RYR2: variants seen among roughly 807,000 people sequenced by gnomAD.
RYR2 encodes cardiac muscle ryanodine receptor-calcium release channel.
A neutral mutation model predicts 601.1 loss-of-function variants in RYR2; 227 were observed. That is an observed-to-expected ratio of 0.38 (90% CI 0.34 to 0.42). The LOEUF is 0.42. RYR2 is among the 10% of genes least tolerant of loss of function. RYR2 has a pLI of 1.00. For missense variants in RYR2, 4,646 were observed against 6,156.5 expected, an observed-to-expected ratio of 0.75 and a Z score of 8.21; for synonymous variants, 2,223 against 2,175.1, an observed-to-expected ratio of 1.02 and a Z score of -0.61.
Position 237,454,586 on chromosome 1 carries a change from T to A in RYR2, c.1476+12T>A. 1 of 1,611,118 alleles carries A rather than the reference T, an allele frequency of 6.2e-7. No homozygotes were observed. Among genetic ancestry groups the A allele is most frequent in the Non-Finnish European group, 8.5e-7 (1 of 1,178,248 alleles). The stretch of plus-strand genomic sequence containing the variant: ...TCTTCCAGGAAGAGGTCCGTTTCTA[T>A]CAACACTCATTTCTCTTCTGTTATT... On this transcript the variant is annotated intron_variant, in intron 15 of 104. Coordinates refer to ENST00000366574, the MANE Select transcript of RYR2 (RefSeq NM_001035.3).
intron 1 of RYR2, among the ~76,000 whole-genome samples, chr1:237,246,256 C>T (rs763071020): frequency 4.6e-5 from 7 of 151,932 alleles, no homozygotes; most frequent in South Asian, 2.1e-4. Flanking sequence ...CCACCAAGCC[C>T]GGCTAATTTT....
chr1:237,731,651 T>G (rs1690687879), intron 77 of RYR2, among the ~76,000 whole-genome samples: 1 of 152,196 alleles, frequency 6.6e-6, no homozygotes, highest in Admixed American at 6.6e-5. Flanking sequence ...TTGGTATTTT[T>G]AAATGATATA....
At chr1:237,049,806 T>A (rs1020032546) in intron 1 of RYR2, among the ~76,000 whole-genome samples, 5 of 152,180 alleles carry the variant, frequency 3.3e-5, no homozygotes, top group Non-Finnish European at 7.3e-5. Context: ...TAGGGACTAC[T>A]TAGGTTCGGA....
intron 1 of RYR2, among the ~76,000 whole-genome samples, chr1:237,048,777 C>T (rs1199967848): frequency 6.6e-6 from 1 of 152,086 alleles, no homozygotes; most frequent in African/African-American, 2.4e-5. Context: ...CATCGGTTTC[C>T]CATGATGCTT....
intron 76 of RYR2, among the ~76,000 whole-genome samples, chr1:237,729,626 C>T (rs910113884): frequency 6.6e-6 from 1 of 152,054 alleles, no homozygotes; most frequent in African/African-American, 2.4e-5. Context: ...TCTTTCTTAC[C>T]TTGACATCTT....
intron 24 of RYR2, among the ~76,000 whole-genome samples, chr1:237,514,707 A>G (rs989564023): frequency 2.6e-5 from 4 of 152,134 alleles, no homozygotes; most frequent in African/African-American, 9.7e-5. Flanking sequence ...TCTGGACTTA[A>G]GGGCTTGGTC....
At chr1:237,738,449 T>A (rs888999431) in intron 79 of RYR2, among the ~76,000 whole-genome samples, 1 of 152,168 alleles carries the variant, frequency 6.6e-6, no homozygotes, top group African/African-American at 2.4e-5. Flanking sequence ...CTATACCCTG[T>A]CTCCCCACAC....
chr1:237,788,053 T>C lies in RYR2; in HGVS notation c.13394T>C (p.Leu4465Pro). ...EDKGKQKLRQ[L>P]HTHRYGEPEV... is the part of the protein sequence containing the mutation. ...AAGGGCAAACAAAAGTTGAGGCAGCTTCACACACACAGATACGGAGAACCA... is the reference window on the plus strand; with the variant it reads ...AAGGGCAAACAAAAGTTGAGGCAGCCTCACACACACAGATACGGAGAACCA... Residue 4465 changes from leucine to proline, a missense_variant, in exon 92 of 105, where the codon CTT becomes CCT. Around this residue, in one of 17 missense-constraint regions of RYR2, gnomAD observed 364 missense variants for 442.9 expected, o/e 0.82. Coordinates refer to ENST00000366574, the MANE Select transcript of RYR2 (RefSeq NM_001035.3). The C allele has an allele frequency of 1.9e-6, 3 of 1,611,052 alleles. No individual in the cohort carries two copies. The highest frequency in any genetic ancestry group is 2.2e-5 in the South Asian group (2 of 90,370).
At chr1:237,193,328 A>G (rs938402409) in intron 1 of RYR2, among the ~76,000 whole-genome samples, 1 of 152,010 alleles carries the variant, frequency 6.6e-6, no homozygotes, top group Non-Finnish European at 1.5e-5. Flanking sequence ...TTAGCCAGGC[A>G]TGGTGGCGGG....
At position 237,174,152 on chromosome 1, in the gene RYR2, T is replaced by C. The variant is rs190678581; in HGVS notation, c.49-96345T>C. ...GTTGGAGTATTCAACATTATGAGAATTTTTTAAAAGTTTCATTTTTCTTCA... is the reference window on the plus strand; with the variant it reads ...GTTGGAGTATTCAACATTATGAGAACTTTTTAAAAGTTTCATTTTTCTTCA... On this transcript the variant is annotated intron_variant, in intron 1 of 104. Transcript: ENST00000366574. 2.0e-5 allele frequency among the ~76,000 whole-genome samples: 3 copies of C among 152,330 alleles called. No individual in the cohort carries two copies. In the East Asian group the frequency reaches 5.8e-4, roughly 29 times the overall value.
chr1:237,683,631 T>C (rs997813042), intron 62 of RYR2, among the ~76,000 whole-genome samples: 1 of 152,240 alleles, frequency 6.6e-6, no homozygotes, highest in Non-Finnish European at 1.5e-5. Context: ...GTTATATAGA[T>C]GGTAATGGAT....
chr1:237,516,504 C>T (rs188444694), intron 24 of RYR2, among the ~76,000 whole-genome samples: 3 of 152,102 alleles, frequency 2.0e-5, no homozygotes, highest in Admixed American at 2.0e-4. Context: ...TGAAGGTATT[C>T]TCACCACTCC....
chr1:237,574,840 C>T (rs1399769663), intron 29 of RYR2, among the ~76,000 whole-genome samples: 4 of 152,206 alleles, frequency 2.6e-5, no homozygotes, highest in Admixed American at 6.5e-5. Context: ...ATGTAGCCCA[C>T]GTTACCATCT....
intron 56 of RYR2, among the ~76,000 whole-genome samples, chr1:237,661,324 C>T (rs1253458045): frequency 6.6e-6 from 1 of 151,876 alleles, no homozygotes; most frequent in Non-Finnish European, 1.5e-5. Flanking sequence ...GGAAGGGGAA[C>T]ATCACACACC....
intron 10 of RYR2, among the ~76,000 whole-genome samples, chr1:237,409,480 TTACCTTATGTA>T (rs1207445560): frequency 3.3e-5 from 5 of 152,176 alleles, no homozygotes; most frequent in African/African-American, 1.2e-4. Flanking sequence ...GATATCTTAA[TTACCTTATGTA>T]TACAAAAGGA....
chr1:237,234,867 A>G (rs1361380661), intron 1 of RYR2, among the ~76,000 whole-genome samples: 2 of 151,996 alleles, frequency 1.3e-5, no homozygotes, highest in Non-Finnish European at 2.9e-5. Context: ...GTCATCAAGA[A>G]GCTTACAGTT....
Position 237,806,286 on chromosome 1 carries a change from A to G in RYR2, c.14298+3A>G, listed in dbSNP as rs1313514831. Reference sequence around the variant, plus strand: ...CAGTAACTCACAATGGCAAACAGGTAAACAGTTTATCTTTTTCCTCCCTTG... The same window carrying G: ...CAGTAACTCACAATGGCAAACAGGTGAACAGTTTATCTTTTTCCTCCCTTG... On this transcript the variant is annotated splice_donor_region_variant and intron_variant, in intron 99 of 104. Transcript: ENST00000366574. 6.2e-7 allele frequency: 1 copy of G among 1,609,864 alleles called. No individual in the cohort carries two copies. Among genetic ancestry groups the G allele is most frequent in the African/African-American group, 1.3e-5 (1 of 74,784 alleles).
At chr1:237,792,506 C>A (rs1357376024) in intron 94 of RYR2, among the ~76,000 whole-genome samples, 183 bp downstream of exon 94, 1 of 151,564 alleles carries the variant, frequency 6.6e-6, no homozygotes, top group African/African-American at 2.4e-5. Flanking sequence ...CTCCATGAAT[C>A]AACATGCATG....
intron 80 of RYR2, among the ~76,000 whole-genome samples, chr1:237,753,012 T>C (rs1045678329): frequency 6.6e-6 from 1 of 152,232 alleles, no homozygotes; most frequent in African/African-American, 2.4e-5. Context: ...ACAAAGTAGA[T>C]GGGCTCATTT....
Sources: gnomAD v4.1 joint callset for allele counts (sites outside exome capture counted in the v4.1 genomes callset) on GRCh38, gnomAD v4.1.1 for gene constraint, gnomAD v4.1.1 regional missense constraint, MANE v1.5 for transcripts, NCBI Gene and HGNC (gene_info 2026-07-23, HGNC 2026-07-21) for gene names.